Variants in HDAC4 observed in about 807,000 individuals in gnomAD.
HDAC4 encodes the protein histone deacetylase A.
Under a neutral mutation model 135.1 loss-of-function variants are expected in HDAC4, and 16 were observed. The ratio of observed to expected loss-of-function variants is 0.12; its 90% CI spans 0.08 to 0.18. The LOEUF (loss-of-function observed/expected upper bound fraction) is 0.18. Among genes scored for constraint, HDAC4 ranks in the 10% least tolerant of loss-of-function variants. The pLI, the probability that HDAC4 is intolerant of heterozygous loss-of-function variation, is 1.00. For synonymous variants in HDAC4, 685 were observed against 653.4 expected (o/e 1.05, Z -0.74); for missense variants, 1,143 against 1,511.8 (o/e 0.76, Z 4.05).
intron 2 of HDAC4, among the ~76,000 whole-genome samples, chr2:239,243,343 G>A (rs1049684489): frequency 1.7e-4 from 26 of 151,994 alleles, no homozygotes; most frequent in African/African-American, 5.6e-4. Context: ...TAGTAGAGAC[G>A]GGGTTTCACC....
chr2:239,258,278 G>A (rs968273100), intron 2 of HDAC4, among the ~76,000 whole-genome samples: 8 of 151,982 alleles, frequency 5.3e-5, no homozygotes, highest in African/African-American at 1.9e-4. Context: ...CACCGAGACA[G>A]AATGTGCAGG....
intron 5 of HDAC4, among the ~76,000 whole-genome samples, chr2:239,171,145 C>G (rs906604288): frequency 5.8e-5 from 8 of 137,846 alleles, no homozygotes; most frequent in Admixed American, 5.2e-4. Context: ...AAATATCCAA[C>G]CATAGAAATA....
intron 12 of HDAC4, among the ~76,000 whole-genome samples, chr2:239,116,770 C>T (rs908739329): frequency 8.5e-5 from 13 of 152,200 alleles, no homozygotes; most frequent in African/African-American, 1.9e-4. Flanking sequence ...CCGACCACGC[C>T]GCTGGCTCTG....
intron 16 of HDAC4, among the ~76,000 whole-genome samples, chr2:239,095,765 C>T (rs1206650797): frequency 1.3e-5 from 2 of 152,190 alleles, no homozygotes; most frequent in Admixed American, 1.3e-4. Context: ...CTGTTTGACC[C>T]AGTGCTGGCT....
At chr2:239,062,269 T>C (rs1249998089) in intron 24 of HDAC4, among the ~76,000 whole-genome samples, 1 of 152,252 alleles carries the variant, frequency 6.6e-6, no homozygotes, top group African/African-American at 2.4e-5. Flanking sequence ...CCCTCTGCGC[T>C]TCCTGTCCCG....
intron 3 of HDAC4, among the ~76,000 whole-genome samples, chr2:239,205,361 G>A (rs2045982790): frequency 6.6e-6 from 1 of 152,006 alleles, no homozygotes; most frequent in Admixed American, 6.6e-5. Context: ...CCGCAATATG[G>A]GCAACGTTAT....
At chr2:239,218,126 G>A (rs1559240529) in intron 3 of HDAC4, among the ~76,000 whole-genome samples, 1 of 151,860 alleles carries the variant, frequency 6.6e-6, no homozygotes, top group Non-Finnish European at 1.5e-5. Context: ...ATATAAAATT[G>A]GATGAAAATT....
rs550432320 is a variant in HDAC4 at position 239,145,589 on chromosome 2, T to C, written c.734-875A>G. Among the ~76,000 whole-genome samples, 220 of 152,154 alleles carry C rather than the reference T, an allele frequency of 1.4e-3. 1 individual carries two copies. The highest frequency in any genetic ancestry group is 6.4e-3 in the South Asian group (31 of 4,816). ...CGGGAGAGGTTATCGGCTTTCAGAG[T>C]CCAGAACAGAGCCAAGAATACCGCC... On this transcript the variant is annotated intron_variant, in intron 7 of 26. Coordinates refer to ENST00000543185, the MANE Select transcript of HDAC4 (RefSeq NM_001378414.1).
intron 2 of HDAC4, among the ~76,000 whole-genome samples, chr2:239,319,801 A>G (rs2053245866): frequency 6.6e-6 from 1 of 152,254 alleles, no homozygotes; most frequent in South Asian, 2.1e-4. Flanking sequence ...AACCCACGAA[A>G]TAGAAAACGT....
chr2:239,140,657 C>A (rs1281630193), intron 8 of HDAC4, among the ~76,000 whole-genome samples: 1 of 152,220 alleles, frequency 6.6e-6, no homozygotes, highest in Non-Finnish European at 1.5e-5. Flanking sequence ...TGTTCAGCAA[C>A]GACTCTGGGT....
chr2:239,306,247 A>C lies in HDAC4; in HGVS notation c.22+46431T>G, dbSNP rs1216523540. Among the ~76,000 whole-genome samples the C allele has an allele frequency of 1.3e-5, 2 of 152,124 alleles. No homozygotes were observed. The highest frequency in any genetic ancestry group is 2.9e-5 in the Non-Finnish European group (2 of 68,006). Reference sequence around the variant, plus strand: ...CCTATCATTTCCCATCTTTTCATACATTTAGAAGGCAAAAAAAGTTCATCT... The same window carrying C: ...CCTATCATTTCCCATCTTTTCATACCTTTAGAAGGCAAAAAAAGTTCATCT... On this transcript the variant is annotated intron_variant, in intron 2 of 26. Transcript: ENST00000543185. The surrounding 1 kb of genome is among the most constrained non-coding windows in gnomAD (Gnocchi z 4.5).
chr2:239,351,678 G>A (rs1251058961), intron 2 of HDAC4: 1 of 154,392 alleles, frequency 6.5e-6, no homozygotes, highest in East Asian at 1.9e-4. Flanking sequence ...TTCCACCCAG[G>A]GAAAGATGTG....
At chr2:239,161,762 C>T (rs1308075929) in intron 6 of HDAC4, 10 of 422,676 alleles carry the variant, frequency 2.4e-5, no homozygotes, top group Middle Eastern at 6.9e-4. Flanking sequence ...ACACCCAGCT[C>T]ACCCAGGGAG....
chr2:239,114,249 C>T (rs575898569), intron 13 of HDAC4, among the ~76,000 whole-genome samples: 2 of 152,258 alleles, frequency 1.3e-5, no homozygotes, highest in South Asian at 2.1e-4. Flanking sequence ...CTCAACGGCA[C>T]GGCCGGCATG....
At chr2:239,120,374 C>A (rs778588338) in intron 12 of HDAC4, among the ~76,000 whole-genome samples, 73 of 150,448 alleles carry the variant, frequency 4.9e-4, no homozygotes, top group Non-Finnish European at 9.6e-4. Context: ...GATACATATA[C>A]CCGCAGAGGC....
At chr2:239,054,712 G>T in intron 25 of HDAC4, 37 bp downstream of exon 25, 2 of 1,340,330 alleles carry the variant, frequency 1.5e-6, no homozygotes, top group Non-Finnish European at 1.1e-6. Context: ...CACCCCCAGG[G>T]GCGTGTCCCC....
chr2:239,257,057 G>A (rs772203241), intron 2 of HDAC4, among the ~76,000 whole-genome samples: 1 of 152,102 alleles, frequency 6.6e-6, no homozygotes, highest in Non-Finnish European at 1.5e-5. Flanking sequence ...ATAACTCTGG[G>A]TAAATAACAG....
chr2:239,186,366 T>C (rs1214882001), intron 4 of HDAC4: 2 of 152,250 alleles, frequency 1.3e-5, no homozygotes, highest in African/African-American at 4.8e-5. Context: ...TATTGCCAAA[T>C]GTCACTAACA....
At chr2:239,210,263 C>A (rs921720491) in intron 3 of HDAC4, among the ~76,000 whole-genome samples, 5 of 152,012 alleles carry the variant, frequency 3.3e-5, no homozygotes, top group Non-Finnish European at 5.9e-5. Context: ...TGAACGAATC[C>A]CAGCCATGTG....
Sources: gnomAD v4.1 joint callset for allele counts (sites outside exome capture counted in the v4.1 genomes callset) on GRCh38, gnomAD v4.1.1 for gene constraint, Gnocchi (gnomAD v3.1) non-coding constraint, MANE v1.5 for transcripts, NCBI Gene and HGNC (gene_info 2026-07-23, HGNC 2026-07-21) for gene names.